The following RFC1 variants were observed in gnomAD, a reference collection of about 807,000 sequenced individuals.
RFC1 encodes A1 140 kDa subunit.
In RFC1, 37 loss-of-function variants were observed where a neutral mutation model predicts 137.4. The observed-to-expected ratio is 0.27, with a 90% CI of 0.21 to 0.35. The LOEUF is 0.35. Ranked by LOEUF, RFC1 falls within the 10% of genes least tolerant of loss-of-function variation. RFC1 has a pLI of 1.00. For synonymous variants in RFC1, 429 were observed against 455.7 expected (o/e 0.94, Z 0.75); for missense variants, 1,205 against 1,358.5 (o/e 0.89, Z 1.78).
chr4:39,345,116 G>T (rs1390610478), intron 3 of RFC1, among the ~76,000 whole-genome samples: 1 of 152,134 alleles, frequency 6.6e-6, no homozygotes, highest in African/African-American at 2.4e-5. Flanking sequence ...TGGGATTCAA[G>T]CAATTCTCAT....
chr4:39,346,472 G>T (rs530903367), intron 2 of RFC1, among the ~76,000 whole-genome samples: 18 of 142,906 alleles, frequency 1.3e-4, no homozygotes, highest in African/African-American at 4.4e-4. Context: ...GCAAAATTCC[G>T]TCTCAAAAAA....
At chr4:39,350,480 C>T (rs1006615534) in intron 2 of RFC1, among the ~76,000 whole-genome samples, 5 of 152,076 alleles carry the variant, frequency 3.3e-5, no homozygotes, top group African/African-American at 1.2e-4. Flanking sequence ...TTAAAAAATT[C>T]TTTAATGAAC....
chr4:39,291,282 A>T (rs1356379392), intron 23 of RFC1, among the ~76,000 whole-genome samples: 2 of 152,222 alleles, frequency 1.3e-5, no homozygotes, highest in Non-Finnish European at 2.9e-5. Flanking sequence ...GCCAATAAAC[A>T]TATTTTATTT....
intron 11 of RFC1, among the ~76,000 whole-genome samples, chr4:39,312,258 C>T (rs1420829484): frequency 1.3e-5 from 2 of 152,172 alleles, no homozygotes; most frequent in Non-Finnish European, 2.9e-5. Context: ...GGAACCACAT[C>T]GTTGAGATGC....
At chr4:39,360,995 C>A (rs1275043624) in intron 1 of RFC1, among the ~76,000 whole-genome samples, 1 of 152,142 alleles carries the variant, frequency 6.6e-6, no homozygotes. Context: ...GTACAAAAAT[C>A]TTTTATCCTG....
intron 4 of RFC1, among the ~76,000 whole-genome samples, chr4:39,336,440 TA>T (rs1740356805): frequency 6.6e-6 from 1 of 152,376 alleles, no homozygotes; most frequent in Admixed American, 6.5e-5. Flanking sequence ...TCACTAAGCA[TA>T]AACCAAGGCC....
At chr4:39,335,226 G>A (rs1052428957) in intron 4 of RFC1, among the ~76,000 whole-genome samples, 4 of 152,270 alleles carry the variant, frequency 2.6e-5, no homozygotes, top group South Asian at 4.1e-4. Context: ...ATTTCCTTGA[G>A]TCAAAAATCT....
intron 12 of RFC1, among the ~76,000 whole-genome samples, chr4:39,310,052 A>G (rs1386614430): frequency 6.6e-6 from 1 of 152,196 alleles, no homozygotes; most frequent in Non-Finnish European, 1.5e-5. Context: ...CTCACTAATA[A>G]TAAGACGTTA....
chr4:39,348,115 C>T (rs1046568649), intron 2 of RFC1, among the ~76,000 whole-genome samples: 2 of 151,944 alleles, frequency 1.3e-5, no homozygotes, highest in African/African-American at 2.4e-5. Context: ...TCAGCCTGTC[C>T]GTATTTCAGA....
intron 4 of RFC1, among the ~76,000 whole-genome samples, chr4:39,340,431 A>C (rs1375311099): frequency 2.0e-5 from 3 of 152,170 alleles, no homozygotes; most frequent in African/African-American, 7.2e-5. Flanking sequence ...TGTTTTATGG[A>C]ATGAGGTATT....
Position 39,323,401 on chromosome 4 carries a change from T to A in RFC1, c.659A>T (p.His220Leu), listed in dbSNP as rs1214931015. 5.0e-6 allele frequency: 8 copies of A among 1,613,974 alleles called. No individual in the cohort carries two copies. The highest frequency in any genetic ancestry group is 6.8e-6 in the Non-Finnish European group (8 of 1,179,976). The change falls in exon 7 of 25, where the codon CAT (histidine) becomes CTT (leucine). Residue 220 changes from histidine to leucine, a missense_variant. His to Leu is a moderately conservative substitution (Grantham distance 99). This residue lies in a region of RFC1 where 962 missense variants were observed against 1,035.3 expected (regional missense o/e 0.93). Coordinates refer to ENST00000349703, the MANE Select transcript of RFC1 (RefSeq NM_002913.5). ...DEDAELERQL[H>L]EDEEFARTLA... ...TGTTCTGGCAAACTCTTCATCTTCA[T>A]GCAACTGCCTCTCCAGCTGTAAAAT... is the stretch of plus-strand genomic sequence containing the variant.
At chr4:39,306,532 A>G in intron 14 of RFC1, 60 bp downstream of exon 14, 1 of 867,854 alleles carries the variant, frequency 1.2e-6, no homozygotes, top group Non-Finnish European at 2.0e-6. Flanking sequence ...ACACACTTTT[A>G]TCTCCTAGCC....
chr4:39,342,852 C>T (rs967934445), intron 3 of RFC1, among the ~76,000 whole-genome samples: 5 of 152,170 alleles, frequency 3.3e-5, no homozygotes, highest in Admixed American at 1.3e-4. Context: ...GCATTCTTGG[C>T]TCAAAGACCC....
At chr4:39,323,918 T>C (rs888085692) in intron 6 of RFC1, among the ~76,000 whole-genome samples, 20 of 152,236 alleles carry the variant, frequency 1.3e-4, no homozygotes, top group African/African-American at 4.8e-4. Context: ...ACTCCTATTT[T>C]CAATTACTAA....
intron 22 of RFC1, chr4:39,292,157 G>A (rs1239925938): frequency 1.5e-5 from 5 of 325,460 alleles, no homozygotes; most frequent in Non-Finnish European, 2.3e-5. Context: ...GTTTCTTTGT[G>A]TTCATAAATA....
intron 13 of RFC1, 73 bp from the exon 14 acceptor site, chr4:39,306,774 T>C (rs1342122059): frequency 1.2e-6 from 1 of 839,658 alleles, no homozygotes; most frequent in Non-Finnish European, 2.0e-6. Context: ...GCAGAAATAG[T>C]TATGCCTAAA....
In RFC1 at chr4:39,321,295, G is replaced by T. The variant is rs1578135991; in HGVS notation, c.800C>A (p.Pro267His). The T allele has an allele frequency of 1.2e-6, 2 of 1,612,412 alleles. No individual in the cohort carries two copies. The highest frequency in any genetic ancestry group is 1.7e-6 in the Non-Finnish European group (2 of 1,178,978). ...TTTTCTGCTAGTATTACCTTTATGA[G>T]GATATTTATGTTTTTCTGCTTTACT... ...NLSKAEKHKY[P>H]HKVKTAQVSD... The change falls in exon 8 of 25, where the codon CCT (proline) becomes CAT (histidine). Residue 267 changes from proline to histidine, a missense_variant. Physicochemically the swap from Pro to His is moderately conservative, Grantham distance 77 (BLOSUM62 -2). Transcript: ENST00000349703.
intron 4 of RFC1, among the ~76,000 whole-genome samples, chr4:39,328,974 ATTCT>A (rs1739929699): frequency 6.6e-6 from 1 of 151,860 alleles, no homozygotes; most frequent in African/African-American, 2.4e-5. Flanking sequence ...AAGACCATAA[ATTCT>A]TTGTTACATT....
chr4:39,361,697 C>T (rs1013705118), intron 1 of RFC1, among the ~76,000 whole-genome samples: 3 of 152,092 alleles, frequency 2.0e-5, no homozygotes, highest in African/African-American at 7.2e-5. Context: ...GATCAATATA[C>T]AAAAATCAAT....
Sources: allele counts gnomAD v4.1 joint callset (sites outside exome capture counted in the v4.1 genomes callset), GRCh38; gene constraint gnomAD v4.1.1; regional missense constraint gnomAD v4.1.1; transcripts MANE v1.5; gene names NCBI Gene and HGNC (gene_info 2026-07-23, HGNC 2026-07-21).